Variants in SGK2 observed in about 807,000 individuals in gnomAD.
The protein encoded by SGK2 is serine/threonine-protein kinase Sgk2.
In SGK2, 36 loss-of-function variants were observed where a neutral mutation model predicts 47.5. The observed-to-expected ratio is 0.76, with a 90% CI of 0.58 to 1.00. The LOEUF (loss-of-function observed/expected upper bound fraction) is 1.00, where lower values mean the gene tolerates loss of function less well. Among genes scored for constraint, SGK2 ranks in the 50% least tolerant of loss-of-function variants. The pLI is 0.00. For synonymous variants in SGK2, 157 were observed against 181.9 expected, an observed-to-expected ratio of 0.86 and a Z score of 1.10; for missense variants, 404 against 467.4, an observed-to-expected ratio of 0.86 and a Z score of 1.25.
At chr20:43,571,132 A>C in intron 8 of SGK2, 72 bp downstream of exon 8, 3 of 1,599,788 alleles carry the variant, frequency 1.9e-6, no homozygotes, top group Non-Finnish European at 2.5e-6. Context: ...CTATCTGACC[A>C]TGAGTCTGTG....
At position 43,584,833 on chromosome 20, in the gene SGK2, C is replaced by T. The variant is rs776638663; in HGVS notation, c.940-19C>T. On this transcript the variant is annotated intron_variant, in intron 12 of 12. Coordinates refer to ENST00000373100, the MANE Select transcript of SGK2 (RefSeq NM_170693.3). The stretch of plus-strand genomic sequence containing the variant: ...TCTGACCCCGGTGTTTTCTTCTCAT[C>T]ATTGGCTTTTATTGACAGACAGGAC... The T allele has an allele frequency of 1.2e-6, 2 of 1,610,222 alleles. No homozygotes were observed. The highest frequency in any genetic ancestry group is 1.7e-5 in the Admixed American group (1 of 59,648).
At chr20:43,567,341 C>T (rs1979794851) in intron 3 of SGK2, among the ~76,000 whole-genome samples, 1 of 152,220 alleles carries the variant, frequency 6.6e-6, no homozygotes, top group Admixed American at 6.5e-5. Context: ...GTTAGCAACT[C>T]CCCACACTTC....
At chr20:43,583,077 G>A (rs1344525917) in intron 12 of SGK2, 6 of 908,708 alleles carry the variant, frequency 6.6e-6, no homozygotes, top group Admixed American at 3.0e-5. Flanking sequence ...CCCTTCCATC[G>A]AAACAGCCTG....
rs1356702625 is a variant in SGK2, at chr20:43,572,871, T to C, written c.597+734T>C. Among the ~76,000 whole-genome samples, 1 of 152,240 alleles carries C rather than the reference T, an allele frequency of 6.6e-6. No individual in the cohort carries two copies. The highest frequency in any genetic ancestry group is 2.4e-5 in the African/African-American group (1 of 41,456). On this transcript the variant is annotated intron_variant, in intron 9 of 12. Transcript: ENST00000373100. This position sits in a 1 kb window ranked among gnomAD's most constrained non-coding sequence, Gnocchi z 4.2. ...TGGTTGAAATATTTTATTCCTTTTT[T>C]TTTTCTAACTAAGTCTTGAAAATCT...
chr20:43,572,141 A>G lies in SGK2; in HGVS notation c.597+4A>G. ...CACATTCTGTGGTACCCCTGAGGTA[A>G]GCGTAAACATCCCAGGAGAGGGGAG... is the stretch of plus-strand genomic sequence containing the variant. On this transcript the variant is annotated splice_donor_region_variant and intron_variant, in intron 9 of 12. Coordinates refer to ENST00000373100, the MANE Select transcript of SGK2 (RefSeq NM_170693.3). The surrounding 1 kb of genome is among the most constrained non-coding windows in gnomAD (Gnocchi z 4.2). 6.5e-7 allele frequency: 1 copy of G among 1,545,110 alleles called. No individual in the cohort carries two copies. Among genetic ancestry groups the G allele is most frequent in the Non-Finnish European group, 8.8e-7 (1 of 1,141,426 alleles).
chr20:43,583,205 GAA>G (rs1359455382), intron 12 of SGK2: 4 of 1,289,794 alleles, frequency 3.1e-6, no homozygotes, highest in Non-Finnish European at 4.0e-6. Flanking sequence ...CCAGGCACCA[GAA>G]AAGCTTCTTT....
rs184941070 is a variant in SGK2 at position 43,560,264 on chromosome 20, C to T, written c.-24+1105C>T. 3.3e-5 allele frequency among the ~76,000 whole-genome samples: 5 copies of T among 152,196 alleles called. No homozygotes were observed. In the East Asian group the frequency reaches 5.8e-4, roughly 18 times the overall value. On this transcript the variant is annotated intron_variant, in intron 1 of 12. Transcript: ENST00000373100. ...CCGTAATCCTAACACTTTGGGAGGC[C>T]GAGGCAGGCGGATCACCTGAGGTCA...
At chr20:43,566,609 C>A (rs1979736204) in intron 2 of SGK2, 78 bp downstream of exon 2, 8 of 1,031,272 alleles carry the variant, frequency 7.8e-6, no homozygotes, top group Non-Finnish European at 1.2e-5. Context: ...GGGTCCCAGA[C>A]AATGTCAGGG....
At chr20:43,570,532 G>A (rs974585510) in intron 6 of SGK2, 85 bp from the exon 7 acceptor site, 26 of 850,758 alleles carry the variant, frequency 3.1e-5, no homozygotes, top group East Asian at 7.4e-5. Context: ...GAGTGAGCTC[G>A]CAGCCGCACA....
chr20:43,570,472 G>A (rs1980025500), intron 6 of SGK2, 145 bp from the exon 7 acceptor site: 1 of 578,816 alleles, frequency 1.7e-6, no homozygotes. Context: ...GTGTGGGGCA[G>A]GGGCCAGCAT....
Position 43,572,650 on chromosome 20 carries a change from C to A in SGK2, c.597+513C>A, listed in dbSNP as rs1225415084. ...CAAGACTGTGCCACTGCACTCCAGC[C>A]TGGGCAACAAGAGTGAAACTCCATC... is the stretch of plus-strand genomic sequence containing the variant. On this transcript the variant is annotated intron_variant, in intron 9 of 12. Coordinates refer to ENST00000373100, the MANE Select transcript of SGK2 (RefSeq NM_170693.3). The surrounding 1 kb of genome is among the most constrained non-coding windows in gnomAD (Gnocchi z 4.2). 6.6e-6 allele frequency among the ~76,000 whole-genome samples: 1 copy of A among 152,064 alleles called. No individual in the cohort carries two copies. The highest frequency in any genetic ancestry group is 1.5e-5 in the Non-Finnish European group (1 of 68,020).
At chr20:43,559,623 G>A (rs1206639643) in intron 1 of SGK2, among the ~76,000 whole-genome samples, 4 of 152,184 alleles carry the variant, frequency 2.6e-5, no homozygotes, top group Admixed American at 2.6e-4. Flanking sequence ...GATCAAGTTG[G>A]CACTTGAACT....
At chr20:43,571,797 G>A (rs934964365) in intron 8 of SGK2, among the ~76,000 whole-genome samples, 3 of 152,182 alleles carry the variant, frequency 2.0e-5, no homozygotes, top group Non-Finnish European at 4.4e-5. Flanking sequence ...CTGTCCACAA[G>A]CTGCCACTGT....
At chr20:43,580,102 T>G in intron 12 of SGK2, 41 bp downstream of exon 12, 1 of 1,317,208 alleles carries the variant, frequency 7.6e-7, no homozygotes, top group Non-Finnish European at 1.1e-6. Context: ...TTTCCGGGGC[T>G]GGGGGAGCTT....
rs1409454735 is a variant in SGK2, at chr20:43,584,847, G to T, written c.940-5G>T. On this transcript the variant is annotated splice_region_variant and splice_polypyrimidine_tract_variant and intron_variant, in intron 12 of 12. Coordinates refer to ENST00000373100, the MANE Select transcript of SGK2 (RefSeq NM_170693.3). ...TTTCTTCTCATCATTGGCTTTTATT[G>T]ACAGACAGGACCTGCTGACTTGAAG... 9 of 1,612,044 alleles carry T rather than the reference G, an allele frequency of 5.6e-6. No individual in the cohort carries two copies. Among genetic ancestry groups the T allele is most frequent in the African/African-American group, 1.3e-5 (1 of 74,838 alleles).
At chr20:43,567,612 C>T in intron 3 of SGK2, 53 bp from the exon 4 acceptor site, 3 of 1,550,714 alleles carry the variant, frequency 1.9e-6, no homozygotes, top group Non-Finnish European at 2.7e-6. Context: ...TTCTCAGGCA[C>T]CAGGTTTCCA....
At position 43,570,664 on chromosome 20, in the gene SGK2, C is replaced by T; in HGVS notation, c.408C>T (p.Ala136=). 1.2e-6 allele frequency: 2 copies of T among 1,612,780 alleles called. No individual in the cohort carries two copies. Among genetic ancestry groups the T allele is most frequent in the Non-Finnish European group, 1.7e-6 (2 of 1,178,898 alleles). The part of the protein sequence containing the change: ...QRERRFLEPR[A]RFYAAEVASA... ...AGCGCCGGTTCCTGGAGCCCCGGGC[C>T]AGGTTCTACGCTGCTGAGGTGGCCA... is the stretch of plus-strand genomic sequence containing the variant. The change falls in exon 7 of 13, where the codon GCC becomes GCT. Residue 136 remains alanine (A), a synonymous_variant. Coordinates refer to ENST00000373100, the MANE Select transcript of SGK2 (RefSeq NM_170693.3).
chr20:43,584,824 T>C (rs200114889), intron 12 of SGK2, 28 bp from the exon 13 acceptor site: 45 of 1,604,912 alleles, frequency 2.8e-5, no homozygotes, highest in Non-Finnish European at 3.8e-5. Context: ...CCCGGTGTTT[T>C]CTTCTCATCA....
chr20:43,584,698 A>G (rs948849154), intron 12 of SGK2, among the ~76,000 whole-genome samples, 154 bp from the exon 13 acceptor site: 7 of 152,206 alleles, frequency 4.6e-5, no homozygotes, highest in African/African-American at 1.7e-4. Context: ...GAATCAAATG[A>G]TCAATGTAAA....
Sources: gnomAD v4.1 joint callset for allele counts (sites outside exome capture counted in the v4.1 genomes callset) on GRCh38, gnomAD v4.1.1 for gene constraint, Gnocchi (gnomAD v3.1) non-coding constraint, MANE v1.5 for transcripts, NCBI Gene and HGNC (gene_info 2026-07-23, HGNC 2026-07-21) for gene names.